The following WWOX variants were observed in gnomAD, a reference collection of about 807,000 sequenced individuals.
WWOX encodes WW domain containing oxidoreductase.
In WWOX, 69 loss-of-function variants were observed where a neutral mutation model predicts 46.2. The ratio of observed to expected loss-of-function variants is 1.49; its 90% CI spans 1.23 to 1.82. The LOEUF (loss-of-function observed/expected upper bound fraction) is 1.82. WWOX is among the 40% of genes most tolerant of loss of function. The pLI is 0.00. For missense variants in WWOX, 919 were observed against 542.6 expected (o/e 1.69, Z -6.89); for synonymous variants, 359 against 202.6 (o/e 1.77, Z -6.56).
intron 8 of WWOX, among the ~76,000 whole-genome samples, chr16:78,955,991 C>CAAAAAACA (rs112308759): frequency 2.0e-5 from 3 of 147,876 alleles, no homozygotes; most frequent in Non-Finnish European, 4.5e-5. Context: ...AAACAAAAAA[C>CAAAAAACA]AAAAAAAAAC....
At chr16:79,011,879 C>A (rs1398039369) in intron 8 of WWOX, among the ~76,000 whole-genome samples, 1 of 152,140 alleles carries the variant, frequency 6.6e-6, no homozygotes, top group East Asian at 1.9e-4. Context: ...GTCTTGAACT[C>A]ATGGCCTCCA....
chr16:78,929,877 C>G (rs1442249040), intron 8 of WWOX, among the ~76,000 whole-genome samples: 4 of 152,282 alleles, frequency 2.6e-5, no homozygotes, highest in African/African-American at 2.4e-5. Context: ...TACCCAGTAT[C>G]TAGCCCATCC....
intron 8 of WWOX, among the ~76,000 whole-genome samples, chr16:78,769,435 C>T (rs759234446): frequency 2.0e-5 from 3 of 152,050 alleles, no homozygotes; most frequent in Non-Finnish European, 2.9e-5. Context: ...TTGGGGACAT[C>T]GTGGTAAACA....
At chr16:79,077,208 C>G (rs368144784) in intron 8 of WWOX, among the ~76,000 whole-genome samples, 1 of 152,122 alleles carries the variant, frequency 6.6e-6, no homozygotes, top group Non-Finnish European at 1.5e-5. Context: ...GAGCTTAAAA[C>G]CCATTAGTTT....
At chr16:78,586,136 T>G (rs530796777) in intron 8 of WWOX, among the ~76,000 whole-genome samples, 13 of 152,060 alleles carry the variant, frequency 8.5e-5, no homozygotes, top group Admixed American at 2.0e-4. Flanking sequence ...GTGGGAGGAT[T>G]GTTTGAGCCC....
At chr16:78,363,146 T>TTG (rs60731117) in intron 5 of WWOX, among the ~76,000 whole-genome samples, 1,752 of 150,866 alleles carry the variant, frequency 0.012, 34 homozygotes, top group African/African-American at 0.037. Flanking sequence ...GTGTATGTGT[T>TTG]TGTGTGTGTG....
At chr16:79,147,228 T>G (rs1056264546) in intron 8 of WWOX, among the ~76,000 whole-genome samples, 4 of 152,178 alleles carry the variant, frequency 2.6e-5, no homozygotes, top group Non-Finnish European at 5.9e-5. Flanking sequence ...TGCGTTGCCT[T>G]GCAAACCACA....
chr16:78,783,729 ATGT>A (rs55642475), intron 8 of WWOX, among the ~76,000 whole-genome samples: 104,899 of 151,646 alleles, frequency 0.69, 36,552 homozygotes, highest in African/African-American at 0.74. Context: ...GATGATGTTG[ATGT>A]TGATGATGAT....
chr16:78,655,791 C>T (rs1022556009), intron 8 of WWOX, among the ~76,000 whole-genome samples: 2 of 152,130 alleles, frequency 1.3e-5, no homozygotes, highest in African/African-American at 4.8e-5. Flanking sequence ...GTAAACAAAT[C>T]TGTGATTTGA....
chr16:78,188,236 T>A (rs1359756496), intron 5 of WWOX, among the ~76,000 whole-genome samples: 4 of 152,112 alleles, frequency 2.6e-5, no homozygotes, highest in African/African-American at 9.7e-5. Flanking sequence ...ACACCTGTAA[T>A]CCCAGCACTT....
Position 78,502,803 on chromosome 16 carries a change from G to A in WWOX, c.1056+70051G>A, listed in dbSNP as rs1231130172. Among the ~76,000 whole-genome samples the A allele has an allele frequency of 5.3e-5, 8 of 152,308 alleles. No individual in the cohort carries two copies. In the East Asian group the frequency reaches 9.7e-4, roughly 18 times the overall value. On this transcript the variant is annotated intron_variant, in intron 8 of 8. Transcript: ENST00000566780. ...GATCTCGAAAAGGGGGCTGGGATACGTTGGTGATTTTTTTCATGCTCTACT... is the reference window on the plus strand; with the variant it reads ...GATCTCGAAAAGGGGGCTGGGATACATTGGTGATTTTTTTCATGCTCTACT...
At chr16:78,717,554 T>A (rs1397729834) in intron 8 of WWOX, among the ~76,000 whole-genome samples, 1 of 152,192 alleles carries the variant, frequency 6.6e-6, no homozygotes, top group Non-Finnish European at 1.5e-5. Flanking sequence ...CTCTCTTTGA[T>A]GGTGGACAAA....
chr16:78,229,576 C>G (rs1478114408), intron 5 of WWOX, among the ~76,000 whole-genome samples: 2 of 150,258 alleles, frequency 1.3e-5, no homozygotes, highest in East Asian at 2.0e-4. Context: ...AGATGTATTT[C>G]TAGGACTTAG....
intron 8 of WWOX, chr16:78,525,982 A>C (rs942967745): frequency 6.6e-6 from 1 of 152,196 alleles, no homozygotes; most frequent in Non-Finnish European, 1.5e-5. Context: ...TGCAGAGCAC[A>C]TGTATCATCC....
At chr16:78,847,500 G>GT (rs1197479925) in intron 8 of WWOX, among the ~76,000 whole-genome samples, 2 of 151,764 alleles carry the variant, frequency 1.3e-5, no homozygotes, top group Non-Finnish European at 2.9e-5. Flanking sequence ...TTGTTTCTTT[G>GT]TTTTTTTCTT....
chr16:79,021,712 CCA>C (rs1267048224), intron 8 of WWOX, among the ~76,000 whole-genome samples: 1 of 152,186 alleles, frequency 6.6e-6, no homozygotes, highest in African/African-American at 2.4e-5. Context: ...ATGCTAAACT[CCA>C]GTCAGATGTT....
chr16:78,647,382 G>T (rs1015422882), intron 8 of WWOX, among the ~76,000 whole-genome samples: 2 of 152,086 alleles, frequency 1.3e-5, no homozygotes, highest in South Asian at 2.1e-4. Flanking sequence ...CTGGCTGCTG[G>T]TTCTCATTGC....
chr16:78,220,494 A>G (rs535901109), intron 5 of WWOX, among the ~76,000 whole-genome samples: 7 of 152,176 alleles, frequency 4.6e-5, no homozygotes, highest in Non-Finnish European at 1.0e-4. Context: ...ACAGTCTCCC[A>G]TGGTTATTTT....
intron 8 of WWOX, among the ~76,000 whole-genome samples, chr16:78,934,439 G>A (rs1390555406): frequency 6.8e-6 from 1 of 146,854 alleles, no homozygotes; most frequent in Non-Finnish European, 1.5e-5. Context: ...AGTCCAGGAG[G>A]TCAAGGCTGC....
Sources: allele counts gnomAD v4.1 joint callset (sites outside exome capture counted in the v4.1 genomes callset), GRCh38; gene constraint gnomAD v4.1.1; transcripts MANE v1.5; gene names NCBI Gene and HGNC (gene_info 2026-07-23, HGNC 2026-07-21).